The following NOX3 variants were observed in gnomAD, a reference collection of about 807,000 sequenced individuals.
NOX3 encodes NADPH oxidase 3.
NOX3 carries 74 observed loss-of-function variants against 76.7 expected under a neutral mutation model. That is an observed-to-expected ratio of 0.96 (90% CI 0.80 to 1.17). NOX3 has a LOEUF of 1.17. Ranked by LOEUF, NOX3 falls within the 50% of genes most tolerant of loss-of-function variation. The pLI, the probability that NOX3 is intolerant of heterozygous loss-of-function variation, is 0.00. For synonymous variants in NOX3, 263 were observed against 261.1 expected (o/e 1.01, Z -0.07); for missense variants, 695 against 703.3 (o/e 0.99, Z 0.13).
chr6:155,421,685 T>A (rs1294315326), intron 10 of NOX3, among the ~76,000 whole-genome samples: 4 of 152,166 alleles, frequency 2.6e-5, no homozygotes, highest in African/African-American at 9.7e-5. Context: ...AGATGATGTC[T>A]CTCTATGCGG....
At position 155,407,174 on chromosome 6, in the gene NOX3, G is replaced by C. The variant is rs1236115026; in HGVS notation, c.1536C>G (p.Pro512=). 1.1e-5 allele frequency: 18 copies of C among 1,613,910 alleles called. No individual in the cohort carries two copies. The Admixed American group carries it at 1.7e-4, about 15-fold the overall frequency. ...TCTGCTTGAACTCATTGTTCCAGTT[G>C]GGCCTCCCATAGAAGGTCTTCTGCT... The part of the protein sequence containing the change: ...GLKQKTFYGR[P]NWNNEFKQIA... The change falls in exon 12 of 14, where the codon CCC becomes CCG. Residue 512 remains proline, a synonymous_variant. Transcript: ENST00000159060.
chr6:155,408,433 A>G (rs1161766999), intron 11 of NOX3, among the ~76,000 whole-genome samples: 7 of 152,094 alleles, frequency 4.6e-5, no homozygotes, highest in Non-Finnish European at 1.0e-4. Flanking sequence ...CCTCTGACTC[A>G]TCCTGACCCT....
chr6:155,440,214 T>C (rs896275422), intron 5 of NOX3, 77 bp from the exon 6 acceptor site: 58 of 1,238,308 alleles, frequency 4.7e-5, no homozygotes, highest in Admixed American at 1.9e-4. Flanking sequence ...GGCATATTTT[T>C]TTTTTTCATT....
At chr6:155,423,898 G>A (rs982667316) in intron 9 of NOX3, among the ~76,000 whole-genome samples, 1 of 151,776 alleles carries the variant, frequency 6.6e-6, no homozygotes, top group African/African-American at 2.4e-5. Context: ...GTGCCACCAC[G>A]CCCAGCTAAT....
chr6:155,432,044 T>C (rs1049977478), intron 7 of NOX3, among the ~76,000 whole-genome samples: 1 of 152,198 alleles, frequency 6.6e-6, no homozygotes, highest in Non-Finnish European at 1.5e-5. Flanking sequence ...TCTACTCTAA[T>C]TCTTTTTTTT....
rs200132848 is a variant in NOX3 at position 155,440,686 on chromosome 6, A to AC, written c.487-550_487-549insG. 5.0e-3 allele frequency among the ~76,000 whole-genome samples: 755 copies of AC among 150,752 alleles called. 5 individuals are homozygous for AC. Among genetic ancestry groups the AC allele is most frequent in the African/African-American group, 1.0e-2 (403 of 40,482 alleles). On this transcript the variant is annotated intron_variant, in intron 5 of 13. Coordinates refer to ENST00000159060, the MANE Select transcript of NOX3 (RefSeq NM_015718.3). ...CAAAATGGGAAAAAAGAAAAAACAAAAAAAAAAAAAACCAAAGTGATTATG... is the reference window on the plus strand; with the variant it reads ...CAAAATGGGAAAAAAGAAAAAACAAACAAAAAAAAAAACCAAAGTGATTATG...
chr6:155,454,853 A>T lies in NOX3; in HGVS notation c.213T>A (p.Pro71=), dbSNP rs756608628. ...LNFNCMLILI[P]VSRNLISFIR... ...TGAATGAAATAAGGTTTCGACTGAC[A>T]GGTATTAGAATTAGCATGCAGTTAA... is the stretch of plus-strand genomic sequence containing the variant. Residue 71 remains proline (P), a synonymous_variant, in exon 3 of 14, where the codon CCT becomes CCA. Transcript: ENST00000159060. 1.2e-6 allele frequency: 2 copies of T among 1,605,502 alleles called. No homozygotes were observed. The highest frequency in any genetic ancestry group is 2.7e-5 in the African/African-American group (2 of 74,504).
At chr6:155,423,335 A>G (rs1012457821) in intron 9 of NOX3, among the ~76,000 whole-genome samples, 1 of 152,152 alleles carries the variant, frequency 6.6e-6, no homozygotes, top group Non-Finnish European at 1.5e-5. Flanking sequence ...TAGTAGGTTT[A>G]TGTAATTTTA....
chr6:155,401,340 C>A (rs934804627), intron 12 of NOX3, among the ~76,000 whole-genome samples: 5 of 152,030 alleles, frequency 3.3e-5, no homozygotes, highest in Non-Finnish European at 5.9e-5. Flanking sequence ...TTTATTTTTC[C>A]CATGAAGCTG....
intron 12 of NOX3, among the ~76,000 whole-genome samples, chr6:155,406,074 C>CT (rs1163366820): frequency 6.6e-6 from 1 of 152,252 alleles, no homozygotes; most frequent in African/African-American, 2.4e-5. Flanking sequence ...GCCCACATGG[C>CT]ACACTCCTTC....
At position 155,443,391 on chromosome 6, in the gene NOX3, T is replaced by C. The variant is rs1582946204; in HGVS notation, c.368A>G (p.Asn123Ser). The C allele has an allele frequency of 1.2e-6, 2 of 1,613,978 alleles. No homozygotes were observed. The highest frequency in any genetic ancestry group is 1.7e-6 in the Non-Finnish European group (2 of 1,179,892). The change falls in exon 5 of 14, where the codon AAC (asparagine) becomes AGC (serine). Residue 123 changes from asparagine (N) to serine (S), a missense_variant. Transcript: ENST00000159060. ...CTGGCTCCAGTGGTAGCGTTCCAGG[T>C]TGAAGAAATGCGCCACGATGTGGAT... ...ATIHIVAHFF[N>S]LERYHWSQSE...
intron 5 of NOX3, among the ~76,000 whole-genome samples, chr6:155,440,612 G>C (rs1776971542): frequency 6.6e-6 from 1 of 150,654 alleles, no homozygotes; most frequent in Non-Finnish European, 1.5e-5. Flanking sequence ...CTGCATTCCA[G>C]CCTGGGAGAC....
intron 12 of NOX3, among the ~76,000 whole-genome samples, chr6:155,402,334 T>C (rs1210878959): frequency 6.6e-6 from 1 of 152,216 alleles, no homozygotes; most frequent in Non-Finnish European, 1.5e-5. Flanking sequence ...AATTTTCACA[T>C]GCATGTGAAT....
chr6:155,439,909 G>C, intron 6 of NOX3, 47 bp downstream of exon 6: 1 of 1,534,136 alleles, frequency 6.5e-7, no homozygotes, highest in South Asian at 1.3e-5. Flanking sequence ...ATTATTTTGG[G>C]ACTCTCAGAG....
intron 7 of NOX3, among the ~76,000 whole-genome samples, chr6:155,433,153 G>A (rs1246299265): frequency 6.6e-6 from 1 of 152,120 alleles, no homozygotes; most frequent in Non-Finnish European, 1.5e-5. Context: ...AAATGTAATG[G>A]ATTATTTTTC....
At chr6:155,439,881 T>A in intron 6 of NOX3, 75 bp downstream of exon 6, 1 of 1,402,340 alleles carries the variant, frequency 7.1e-7, no homozygotes, top group Non-Finnish European at 9.6e-7. Context: ...GGCTCCTTCA[T>A]CTAAAGGACT....
chr6:155,421,376 T>A (rs963653315), intron 10 of NOX3, among the ~76,000 whole-genome samples: 4 of 152,188 alleles, frequency 2.6e-5, no homozygotes, highest in Non-Finnish European at 1.5e-5. Flanking sequence ...ACCTGTCACT[T>A]GGAAACTCAT....
At chr6:155,405,536 C>T (rs914399991) in intron 12 of NOX3, among the ~76,000 whole-genome samples, 1 of 152,150 alleles carries the variant, frequency 6.6e-6, no homozygotes, top group Non-Finnish European at 1.5e-5. Context: ...TTCATCTGCC[C>T]ACTCCAAAAT....
At chr6:155,397,047 G>A (rs1779148637) in intron 12 of NOX3, 85 bp from the exon 13 acceptor site, 1 of 1,308,086 alleles carries the variant, frequency 7.6e-7, no homozygotes, top group African/African-American at 1.5e-5. Flanking sequence ...GATTAATGAA[G>A]TGGTTGTGGC....
Sources: gnomAD v4.1 joint callset for allele counts (sites outside exome capture counted in the v4.1 genomes callset) on GRCh38, gnomAD v4.1.1 for gene constraint, MANE v1.5 for transcripts, NCBI Gene and HGNC (gene_info 2026-07-23, HGNC 2026-07-21) for gene names.